The following RAD51B variants were observed in gnomAD, a reference collection of about 807,000 sequenced individuals.
RAD51B encodes DNA repair protein RAD51 homolog 2.
In RAD51B, 38 loss-of-function variants were observed where a neutral mutation model predicts 42.2. That is an observed-to-expected ratio of 0.90 (90% CI 0.70 to 1.18). The LOEUF is 1.18. RAD51B is among the 50% of genes most tolerant of loss of function. The pLI is 0.00. For missense variants in RAD51B, 373 were observed against 400.7 expected, an observed-to-expected ratio of 0.93 and a Z score of 0.59; for synonymous variants, 154 against 145.2, an observed-to-expected ratio of 1.06 and a Z score of -0.43.
chr14:68,018,770 A>G (rs898317510), intron 7 of RAD51B, among the ~76,000 whole-genome samples: 10 of 152,178 alleles, frequency 6.6e-5, no homozygotes, highest in Non-Finnish European at 1.5e-5. Flanking sequence ...TAAATTATTC[A>G]GCTTTTTATG....
rs1469953560 is a variant in RAD51B, at chr14:68,382,547, G to T, written c.854-28877G>T. On this transcript the variant is annotated intron_variant, in intron 8 of 10. Coordinates refer to ENST00000471583, the MANE Select transcript of RAD51B (RefSeq NM_133510.4). ...TAACAGTTATTACAGATGACACTAT[G>T]TCAGGCTCTCTGCTAAGTCTAGGTG... 2.6e-5 allele frequency among the ~76,000 whole-genome samples: 4 copies of T among 152,294 alleles called. No homozygotes were observed. In the East Asian group the frequency reaches 5.8e-4, roughly 22 times the overall value.
At chr14:68,478,250 C>T (rs966537786), downstream of RAD51B, 1 of 899,448 alleles carries the variant, frequency 1.1e-6, no homozygotes, top group Admixed American at 6.0e-5. Flanking sequence ...CTGACAGGTT[C>T]AGATCCAGCC....
intron 9 of RAD51B, among the ~76,000 whole-genome samples, chr14:68,419,078 C>G (rs897468157): frequency 2.0e-5 from 3 of 152,138 alleles, no homozygotes; most frequent in Admixed American, 6.5e-5. Context: ...GAGGGCAGTG[C>G]CAAGCCTAGG....
intron 7 of RAD51B, among the ~76,000 whole-genome samples, chr14:68,158,456 A>C (rs780909580): frequency 2.6e-5 from 4 of 152,126 alleles, no homozygotes; most frequent in Non-Finnish European, 4.4e-5. Context: ...TCCTTCCTTT[A>C]CTTTTTGCTG....
chr14:68,433,276 T>G (rs1468642118), intron 9 of RAD51B, among the ~76,000 whole-genome samples: 3 of 152,238 alleles, frequency 2.0e-5, no homozygotes, highest in Admixed American at 6.5e-5. Context: ...CTGTATTTCC[T>G]GAATTGAATG....
chr14:68,475,975 T>C (rs1399434132), intron 10 of RAD51B, among the ~76,000 whole-genome samples: 1 of 151,708 alleles, frequency 6.6e-6, no homozygotes, highest in Non-Finnish European at 1.5e-5. Flanking sequence ...GTGAGTTCAG[T>C]TCAGCAAATA....
chr14:68,290,166 A>C (rs951624326), intron 7 of RAD51B, among the ~76,000 whole-genome samples: 1 of 152,240 alleles, frequency 6.6e-6, no homozygotes, highest in African/African-American at 2.4e-5. Flanking sequence ...ATTTCTGTTC[A>C]AATCAGGGTA....
At chr14:68,339,220 G>A (rs990153487) in intron 8 of RAD51B, 64 of 1,146,612 alleles carry the variant, frequency 5.6e-5, no homozygotes, top group Non-Finnish European at 7.6e-5. Flanking sequence ...TTTGTCTCTG[G>A]CCTGTACTTG....
chr14:67,922,983 G>A (rs1027855068), intron 7 of RAD51B, among the ~76,000 whole-genome samples: 1 of 152,114 alleles, frequency 6.6e-6, no homozygotes, highest in East Asian at 1.9e-4. Context: ...GGGCCACTGC[G>A]CCCAGCCGTA....
At position 68,424,920 on chromosome 14, in the gene RAD51B, A is replaced by C. The variant is rs2084796629; in HGVS notation, c.957+13393A>C. On this transcript the variant is annotated intron_variant, in intron 9 of 10. Transcript: ENST00000471583. ...CTCCCAAGTAGCTTGGACTACAGGC[A>C]CATACCACCACACCTGGCTATTTTT... Among the ~76,000 whole-genome samples, 7 of 152,246 alleles carry C rather than the reference A, an allele frequency of 4.6e-5. No homozygotes were observed. The South Asian group carries it at 1.5e-3, about 32-fold the overall frequency.
At chr14:68,224,575 A>C (rs562413189) in intron 7 of RAD51B, among the ~76,000 whole-genome samples, 3 of 152,326 alleles carry the variant, frequency 2.0e-5, no homozygotes, top group South Asian at 4.1e-4. Flanking sequence ...TACTGTATGC[A>C]TAAGTAGGCA....
At chr14:68,143,796 AG>A (rs2078191271) in intron 7 of RAD51B, among the ~76,000 whole-genome samples, 1 of 151,986 alleles carries the variant, frequency 6.6e-6, no homozygotes. Flanking sequence ...CATTGGTGGA[AG>A]GGTATTGTAA....
intron 9 of RAD51B, among the ~76,000 whole-genome samples, chr14:68,415,221 A>G (rs923914019): frequency 6.6e-6 from 1 of 152,032 alleles, no homozygotes; most frequent in Non-Finnish European, 1.5e-5. Flanking sequence ...TCTAATGTGC[A>G]GCCAAGGTTG....
intron 10 of RAD51B, among the ~76,000 whole-genome samples, chr14:68,640,156 A>G (rs1892427341): frequency 6.6e-6 from 1 of 152,196 alleles, no homozygotes; most frequent in African/African-American, 2.4e-5. Flanking sequence ...ACTTTCCGTA[A>G]GCACATCCAT....
At chr14:68,254,473 AGCT>A (rs2080709041) in intron 7 of RAD51B, among the ~76,000 whole-genome samples, 1 of 152,200 alleles carries the variant, frequency 6.6e-6, no homozygotes, top group African/African-American at 2.4e-5. Context: ...CAGTAGTATT[AGCT>A]GTTCCTGGGA....
chr14:68,596,973 C>A (rs1011875321), downstream of RAD51B, among the ~76,000 whole-genome samples: 7 of 152,216 alleles, frequency 4.6e-5, no homozygotes, highest in African/African-American at 1.7e-4. Context: ...GGTGAGATGG[C>A]GGCTTTTCTC....
rs145064621 is a variant in RAD51B at position 68,227,639 on chromosome 14, C to T, written c.757-64245C>T. ...GGTCCCTTCAGCCCAGTTTTGAGAC[C>T]AAACCCCTCCCAGGTCTTTTTAAAT... On this transcript the variant is annotated intron_variant, in intron 7 of 10. Transcript: ENST00000471583. Among the ~76,000 whole-genome samples, 717 of 152,230 alleles carry T rather than the reference C, an allele frequency of 4.7e-3. 5 individuals carry two copies. The highest frequency in any genetic ancestry group is 0.016 in the African/African-American group (681 of 41,542).
chr14:68,562,567 T>C, intron 10 of RAD51B: 2 of 985,416 alleles, frequency 2.0e-6, no homozygotes, highest in Non-Finnish European at 2.4e-6. Context: ...TAACTCCTTT[T>C]GTGTACTGTG....
chr14:68,184,625 C>CAAAAAAAAAAA (rs3073458), intron 7 of RAD51B, among the ~76,000 whole-genome samples: 1 of 132,390 alleles, frequency 7.6e-6, no homozygotes, highest in Non-Finnish European at 1.6e-5. Flanking sequence ...AAAAAAAAAC[C>CAAAAAAAAAAA]AAAAAAAAAA....
Sources: allele counts gnomAD v4.1 joint callset (sites outside exome capture counted in the v4.1 genomes callset), GRCh38; gene constraint gnomAD v4.1.1; transcripts MANE v1.5; gene names NCBI Gene and HGNC (gene_info 2026-07-23, HGNC 2026-07-21).